GPC5: variants seen among roughly 807,000 people sequenced by gnomAD.
GPC5 encodes glypican-5.
In GPC5, 47 loss-of-function variants were observed where a neutral mutation model predicts 53.9. The ratio of observed to expected loss-of-function variants is 0.87; its 90% CI spans 0.69 to 1.11. The LOEUF is 1.11. Ranked by LOEUF, GPC5 falls within the 50% of genes most tolerant of loss-of-function variation. The probability of loss-of-function intolerance (pLI) is 0.00; values close to 1 mark genes in which losing one functional copy is unlikely to be tolerated. For synonymous variants in GPC5, 286 were observed against 263.3 expected (o/e 1.09, Z -0.84); for missense variants, 748 against 713.1 (o/e 1.05, Z -0.56).
intron 7 of GPC5, among the ~76,000 whole-genome samples, chr13:92,850,246 C>T (rs1878748323): frequency 6.6e-6 from 1 of 152,134 alleles, no homozygotes; most frequent in Non-Finnish European, 1.5e-5. Flanking sequence ...AAAGCCAACT[C>T]CCTCACAGCA....
At chr13:92,165,308 T>C (rs1006709095) in intron 7 of GPC5, among the ~76,000 whole-genome samples, 1 of 152,238 alleles carries the variant, frequency 6.6e-6, no homozygotes, top group Non-Finnish European at 1.5e-5. Flanking sequence ...ATCATATCTT[T>C]GTAAATGAAT....
intron 7 of GPC5, among the ~76,000 whole-genome samples, chr13:92,471,868 G>GA (rs1354464250): frequency 6.6e-6 from 1 of 152,104 alleles, no homozygotes; most frequent in African/African-American, 2.4e-5. Context: ...GCTGGAGGGT[G>GA]AAATAAGTGC....
At chr13:92,157,869 G>A (rs559748811) in intron 7 of GPC5, among the ~76,000 whole-genome samples, 1 of 152,080 alleles carries the variant, frequency 6.6e-6, no homozygotes, top group African/African-American at 2.4e-5. Flanking sequence ...CACTGTTTCT[G>A]GTGTGACTTT....
At chr13:92,459,814 C>A (rs1052685229) in intron 7 of GPC5, among the ~76,000 whole-genome samples, 12 of 152,062 alleles carry the variant, frequency 7.9e-5, no homozygotes, top group African/African-American at 2.7e-4. Flanking sequence ...TTTTTTTCAG[C>A]TTGTCTCTCT....
At chr13:91,448,682 G>T in intron 1 of GPC5, 79 bp from the exon 2 acceptor site, 1 of 1,443,726 alleles carries the variant, frequency 6.9e-7, no homozygotes, top group Non-Finnish European at 9.4e-7. Context: ...GTGCAGGACT[G>T]GTCATAACGC....
chr13:91,487,624 C>T (rs1340103294), intron 2 of GPC5, among the ~76,000 whole-genome samples: 1 of 152,080 alleles, frequency 6.6e-6, no homozygotes, highest in East Asian at 1.9e-4. Flanking sequence ...TCTCTGGGAG[C>T]CTTTAGCATC....
chr13:91,734,194 A>C (rs551690252), intron 4 of GPC5, among the ~76,000 whole-genome samples: 1 of 151,304 alleles, frequency 6.6e-6, no homozygotes, highest in Non-Finnish European at 1.5e-5. Flanking sequence ...ATTGTGGTAG[A>C]TAAGTTTTTC....
intron 7 of GPC5, among the ~76,000 whole-genome samples, chr13:92,475,831 G>T (rs1879101063): frequency 6.6e-6 from 1 of 151,918 alleles, no homozygotes; most frequent in East Asian, 1.9e-4. Context: ...GGGAAAACTG[G>T]CTAGCCATAT....
intron 7 of GPC5, among the ~76,000 whole-genome samples, chr13:92,525,201 AC>A (rs966250386): frequency 5.3e-5 from 8 of 151,978 alleles, no homozygotes; most frequent in Non-Finnish European, 8.8e-5. Flanking sequence ...TTGGCCTACT[AC>A]TTGCTAATTA....
At chr13:92,134,216 T>A (rs2041766466) in intron 6 of GPC5, among the ~76,000 whole-genome samples, 1 of 152,164 alleles carries the variant, frequency 6.6e-6, no homozygotes, top group Non-Finnish European at 1.5e-5. Context: ...TCTTTGATTT[T>A]GAAAATTAGG....
At position 91,481,956 on chromosome 13, in the gene GPC5, T is replaced by C. The variant is rs1053608110; in HGVS notation, c.325+33034T>C. ...GGGTCCACTAGACACTCTTTCGCAT[T>C]ACACCTGATTCAAATTTGACAGCCT... On this transcript the variant is annotated intron_variant, in intron 2 of 7. Transcript: ENST00000377067. Among the ~76,000 whole-genome samples the C allele has an allele frequency of 2.6e-5, 4 of 152,194 alleles. No individual in the cohort carries two copies. In the South Asian group the frequency reaches 8.3e-4, roughly 32 times the overall value.
chr13:91,998,628 G>C (rs554105586), intron 6 of GPC5, among the ~76,000 whole-genome samples: 14 of 152,212 alleles, frequency 9.2e-5, no homozygotes, highest in African/African-American at 3.4e-4. Flanking sequence ...AAATAAAATG[G>C]AACCCAATGT....
intron 7 of GPC5, among the ~76,000 whole-genome samples, chr13:92,819,905 AT>A (rs1566431928): frequency 6.6e-6 from 1 of 151,998 alleles, no homozygotes; most frequent in African/African-American, 2.4e-5. Context: ...GAAAAAAAAT[AT>A]TTTTTTCTGA....
At chr13:92,478,585 A>G (rs1277676749) in intron 7 of GPC5, among the ~76,000 whole-genome samples, 2 of 152,208 alleles carry the variant, frequency 1.3e-5, no homozygotes, top group African/African-American at 2.4e-5. Context: ...AAACTGGAAT[A>G]TAATCAGATT....
At chr13:92,445,898 G>A (rs892450689) in intron 7 of GPC5, among the ~76,000 whole-genome samples, 4 of 151,968 alleles carry the variant, frequency 2.6e-5, no homozygotes, top group Non-Finnish European at 2.9e-5. Context: ...CTGAGTAGCT[G>A]GGATTATAGG....
At chr13:91,588,256 G>T (rs1303801461) in intron 2 of GPC5, among the ~76,000 whole-genome samples, 4 of 152,040 alleles carry the variant, frequency 2.6e-5, no homozygotes, top group African/African-American at 9.7e-5. Flanking sequence ...CCTCAAATTT[G>T]TACCCTATGA....
At chr13:92,489,154 A>G (rs1223321336) in intron 7 of GPC5, among the ~76,000 whole-genome samples, 2 of 152,214 alleles carry the variant, frequency 1.3e-5, no homozygotes, top group Non-Finnish European at 2.9e-5. Flanking sequence ...TGGCTAGTCT[A>G]CTGCTAAACT....
At chr13:91,823,961 T>G (rs562682617) in intron 5 of GPC5, among the ~76,000 whole-genome samples, 1 of 152,144 alleles carries the variant, frequency 6.6e-6, no homozygotes, top group Non-Finnish European at 1.5e-5. Context: ...ATGGTTGGTG[T>G]TGTGCATTTG....
At position 92,385,519 on chromosome 13, in the gene GPC5, C is replaced by CATACACATATATACAT. The variant is rs1555331948; in HGVS notation, c.1561+240533_1561+240534insCACATATATACATATA. On this transcript the variant is annotated intron_variant, in intron 7 of 7. Transcript: ENST00000377067. Reference sequence around the variant, plus strand: ...ATACATACATATACATATATACATACATATGCATATATACATATATGCATA... The same window carrying CATACACATATATACAT: ...ATACATACATATACATATATACATACATACACATATATACATATATGCATATATACATATATGCATA... Among the ~76,000 whole-genome samples the CATACACATATATACAT allele has an allele frequency of 3.0e-3, 220 of 74,146 alleles. 8 individuals carry two copies. The highest frequency in any genetic ancestry group is 0.017 in the African/African-American group (215 of 12,324). 48.6% of individuals were successfully genotyped at this position (74,146 alleles called of 152,430 possible). A position where few individuals can be genotyped will look rare whatever the true frequency, so the allele number is the denominator to read the frequency against.
Sources: gnomAD v4.1 joint callset for allele counts (sites outside exome capture counted in the v4.1 genomes callset) on GRCh38, gnomAD v4.1.1 for gene constraint, MANE v1.5 for transcripts, NCBI Gene and HGNC (gene_info 2026-07-23, HGNC 2026-07-21) for gene names.